The following CACNA1D variants were observed in gnomAD, a reference collection of about 807,000 sequenced individuals.
The protein encoded by CACNA1D is voltage-dependent L-type calcium channel subunit alpha-1D.
Under a neutral mutation model 257.1 loss-of-function variants are expected in CACNA1D, and 55 were observed. The ratio of observed to expected loss-of-function variants is 0.21; its 90% CI spans 0.17 to 0.27. The LOEUF (loss-of-function observed/expected upper bound fraction) is 0.27. CACNA1D is among the 10% of genes least tolerant of loss of function. CACNA1D has a pLI of 1.00. For synonymous variants in CACNA1D, 980 were observed against 1,014.9 expected, an observed-to-expected ratio of 0.97 and a Z score of 0.65; for missense variants, 1,876 against 2,784.0, an observed-to-expected ratio of 0.67 and a Z score of 7.34.
intron 9 of CACNA1D, among the ~76,000 whole-genome samples, chr3:53,712,709 C>G (rs1157174937): frequency 6.6e-6 from 1 of 152,142 alleles, no homozygotes; most frequent in African/African-American, 2.4e-5. Flanking sequence ...CAGCCTCACC[C>G]CCTACCCTTA....
intron 3 of CACNA1D, among the ~76,000 whole-genome samples, chr3:53,531,909 A>G (rs1047261935): frequency 2.6e-5 from 4 of 152,172 alleles, no homozygotes; most frequent in Non-Finnish European, 5.9e-5. Flanking sequence ...GAGACAATGT[A>G]TGTTGCATGC....
At chr3:53,514,390 G>A (rs751138002) in intron 3 of CACNA1D, among the ~76,000 whole-genome samples, 6 of 151,964 alleles carry the variant, frequency 3.9e-5, no homozygotes, top group Non-Finnish European at 7.3e-5. Flanking sequence ...GGGGCGTGGG[G>A]GGTGGGGGTC....
intron 40 of CACNA1D, among the ~76,000 whole-genome samples, chr3:53,792,747 G>T (rs1236927740): frequency 6.6e-6 from 1 of 152,190 alleles, no homozygotes; most frequent in Non-Finnish European, 1.5e-5. Flanking sequence ...CAGCCTCAGG[G>T]TCTTTTCCAG....
intron 3 of CACNA1D, among the ~76,000 whole-genome samples, chr3:53,572,193 A>G (rs535186324): frequency 6.6e-6 from 1 of 152,218 alleles, no homozygotes; most frequent in Non-Finnish European, 1.5e-5. Flanking sequence ...AATGGAATCC[A>G]GCTCTTTCTC....
chr3:53,686,783 G>A (rs2094476973), intron 8 of CACNA1D, among the ~76,000 whole-genome samples: 1 of 152,048 alleles, frequency 6.6e-6, no homozygotes, highest in African/African-American at 2.4e-5. Flanking sequence ...TTTATTCAAT[G>A]TTTTATTGAA....
rs3774590 is a variant in CACNA1D at position 53,783,502 on chromosome 3, G to C, written c.4792+1835G>C. On this transcript the variant is annotated intron_variant, in intron 39 of 47. Transcript: ENST00000350061. The stretch of plus-strand genomic sequence containing the variant: ...GACAGGTTTTAATCTATTCCACAAC[G>C]GCAGCGAGAGGCAGTGTGAGGCACA... 2.6e-5 allele frequency among the ~76,000 whole-genome samples: 4 copies of C among 152,134 alleles called. No individual in the cohort carries two copies. The East Asian group carries it at 7.7e-4, about 29-fold the overall frequency.
At position 53,751,776 on chromosome 3, in the gene CACNA1D, G is replaced by A. The variant is rs545269430; in HGVS notation, c.3544G>A (p.Ala1182Thr). Reference protein sequence around the residue: ...QRQCVEYALKARPLRRYIPKN... With the variant: ...QRQCVEYALKTRPLRRYIPKN... ...TCAGTGTGTTGAATACGCCTTGAAA[G>A]CACGTCCCTTGCGGAGATACATCCC... Residue 1182 changes from alanine to threonine, a missense_variant, in exon 28 of 48, where the codon GCA (alanine) becomes ACA (threonine). Physicochemically the swap from Ala to Thr is moderately conservative, Grantham distance 58. Coordinates refer to ENST00000350061, the MANE Select transcript of CACNA1D (RefSeq NM_001128840.3). The surrounding 1 kb of genome is among the most constrained non-coding windows in gnomAD (Gnocchi z 4.3). 2 of 1,614,190 alleles carry A rather than the reference G, an allele frequency of 1.2e-6. No homozygotes were observed. The highest frequency in any genetic ancestry group is 1.3e-5 in the African/African-American group (1 of 75,030).
chr3:53,704,752 G>T (rs1202162657), intron 9 of CACNA1D, among the ~76,000 whole-genome samples: 9 of 152,200 alleles, frequency 5.9e-5, no homozygotes, highest in Non-Finnish European at 1.3e-4. Context: ...GTAAACGAGA[G>T]GAGGTATGGC....
intron 8 of CACNA1D, among the ~76,000 whole-genome samples, chr3:53,699,214 A>G (rs1450719244): frequency 6.6e-6 from 1 of 152,198 alleles, no homozygotes; most frequent in South Asian, 2.1e-4. Context: ...CTTGGGACCC[A>G]TGTGTCCTTC....
At chr3:53,747,490 G>C (rs779429584) in intron 26 of CACNA1D, 42 bp downstream of exon 26, 2 of 1,606,808 alleles carry the variant, frequency 1.2e-6, no homozygotes, top group Admixed American at 3.3e-5. Context: ...AGGCACCTGC[G>C]TGCCCAGGGC....
At chr3:53,703,645 G>A (rs898610799) in intron 9 of CACNA1D, among the ~76,000 whole-genome samples, 1 of 152,230 alleles carries the variant, frequency 6.6e-6, no homozygotes, top group African/African-American at 2.4e-5. Context: ...GACCAAGAAC[G>A]TACTTCAAGT....
intron 30 of CACNA1D, among the ~76,000 whole-genome samples, chr3:53,763,668 C>T (rs1408443638): frequency 1.3e-5 from 2 of 152,192 alleles, no homozygotes; most frequent in East Asian, 3.9e-4. Flanking sequence ...ATTATAAGGT[C>T]CATCCTGGTG....
chr3:53,762,952 G>A (rs547622159), intron 30 of CACNA1D, among the ~76,000 whole-genome samples: 10 of 152,342 alleles, frequency 6.6e-5, no homozygotes, highest in African/African-American at 1.9e-4. Context: ...TCGTGTGACC[G>A]TGGAAGTCAT....
At chr3:53,557,677 G>A (rs1208731474) in intron 3 of CACNA1D, among the ~76,000 whole-genome samples, 1 of 152,056 alleles carries the variant, frequency 6.6e-6, no homozygotes, top group Non-Finnish European at 1.5e-5. Flanking sequence ...AAATCACTTG[G>A]CCATACTTGA....
At chr3:53,506,474 A>T (rs900751067) in intron 3 of CACNA1D, among the ~76,000 whole-genome samples, 2 of 152,196 alleles carry the variant, frequency 1.3e-5, no homozygotes, top group Non-Finnish European at 2.9e-5. Flanking sequence ...ATGAGTTCCT[A>T]GAGGCTGAGA....
At chr3:53,738,958 G>A (rs75127241) in intron 20 of CACNA1D, among the ~76,000 whole-genome samples, 5,519 of 151,874 alleles carry the variant, frequency 0.036, 335 homozygotes, top group African/African-American at 0.13. Context: ...GGCAGTGCAC[G>A]GGAAGACACC....
intron 37 of CACNA1D, among the ~76,000 whole-genome samples, chr3:53,777,774 A>G (rs909078917): frequency 2.0e-5 from 3 of 152,138 alleles, no homozygotes; most frequent in Admixed American, 6.5e-5. Flanking sequence ...CTGTGTTTCC[A>G]TGCCAGAGCA....
At chr3:53,507,247 C>T (rs946302114) in intron 3 of CACNA1D, among the ~76,000 whole-genome samples, 3 of 152,042 alleles carry the variant, frequency 2.0e-5, no homozygotes, top group Non-Finnish European at 2.9e-5. Flanking sequence ...TTAAGCCTTA[C>T]GTCATTTTGA....
At chr3:53,719,813 C>G (rs1281875032) in intron 11 of CACNA1D, 32 bp downstream of exon 11, 5 of 1,601,146 alleles carry the variant, frequency 3.1e-6, no homozygotes, top group Non-Finnish European at 3.4e-6. Context: ...CTTCGTCAGC[C>G]TGTGTGTTGC....
Sources: gnomAD v4.1 joint callset for allele counts (sites outside exome capture counted in the v4.1 genomes callset) on GRCh38, gnomAD v4.1.1 for gene constraint, Gnocchi (gnomAD v3.1) non-coding constraint, MANE v1.5 for transcripts, NCBI Gene and HGNC (gene_info 2026-07-23, HGNC 2026-07-21) for gene names.